The following KIF21A variants were observed in gnomAD, a reference collection of about 807,000 sequenced individuals.
KIF21A encodes kinesin-like protein KIF21A.
A neutral mutation model predicts 202.9 loss-of-function variants in KIF21A; 114 were observed. That is an observed-to-expected ratio of 0.56 (90% confidence interval 0.48 to 0.66). The LOEUF is 0.66. Among genes scored for constraint, KIF21A ranks in the 30% least tolerant of loss-of-function variants. The pLI, the probability that KIF21A is intolerant of heterozygous loss-of-function variation, is 0.00. For missense variants in KIF21A, 1,677 were observed against 1,994.9 expected (o/e 0.84, Z 3.04); for synonymous variants, 667 against 670.8 (o/e 0.99, Z 0.09).
At chr12:39,301,358 C>T (rs1017041589) in intron 37 of KIF21A, 122 bp downstream of exon 37, 1 of 878,498 alleles carries the variant, frequency 1.1e-6, no homozygotes, top group South Asian at 1.5e-5. Flanking sequence ...CATCTTAAAA[C>T]AGACATTAGA....
intron 28 of KIF21A, 116 bp from the exon 29 acceptor site, chr12:39,318,317 C>A: frequency 1.1e-6 from 1 of 930,484 alleles, no homozygotes; most frequent in East Asian, 2.8e-5. Context: ...CTCCTTCTTT[C>A]CTTTCTTCCT....
intron 1 of KIF21A, among the ~76,000 whole-genome samples, chr12:39,429,360 G>C (rs963423596): frequency 5.3e-5 from 8 of 152,114 alleles, no homozygotes; most frequent in African/African-American, 1.9e-4. Flanking sequence ...GATAATTCAA[G>C]ATATCCATTC....
intron 26 of KIF21A, among the ~76,000 whole-genome samples, chr12:39,323,978 C>T (rs763226404): frequency 3.3e-5 from 5 of 151,972 alleles, no homozygotes; most frequent in South Asian, 2.1e-4. Context: ...GGCATGGTGG[C>T]GGGCGCCTGT....
At chr12:39,352,608 C>T (rs1176009455) in intron 10 of KIF21A, among the ~76,000 whole-genome samples, 1 of 152,060 alleles carries the variant, frequency 6.6e-6, no homozygotes, top group African/African-American at 2.4e-5. Context: ...CAGCATGCTC[C>T]CCTTAGTTTC....
At chr12:39,425,784 A>G (rs1409928924) in intron 1 of KIF21A, among the ~76,000 whole-genome samples, 3 of 152,080 alleles carry the variant, frequency 2.0e-5, no homozygotes, top group Non-Finnish European at 4.4e-5. Flanking sequence ...GAATCCACCC[A>G]AGGTTAAAAA....
chr12:39,308,171 C>T (rs1349154813), intron 33 of KIF21A, among the ~76,000 whole-genome samples: 2 of 151,742 alleles, frequency 1.3e-5, no homozygotes, highest in Admixed American at 6.6e-5. Flanking sequence ...AGTTTGAGTC[C>T]AGCCTGGCCA....
At position 39,322,725 on chromosome 12, in the gene KIF21A, G is replaced by A; in HGVS notation, c.3614C>T (p.Ser1205Phe). Residue 1205 changes from serine (S) to phenylalanine (F), a missense_variant, in exon 27 of 38, where the codon TCT (serine) becomes TTT (phenylalanine). By Grantham distance (155) the Ser-to-Phe change is radical (BLOSUM62 -2). Transcript: ENST00000361418. The part of the protein sequence containing the change: ...IGMNTETSGT[S>F]AREKELSPPP... Reference sequence around the variant, plus strand: ...GGGAGAGAGCTCTTTTTCCCTAGCAGAAGTACCACTTGTCTCTGTATTCAT... The same window carrying A: ...GGGAGAGAGCTCTTTTTCCCTAGCAAAAGTACCACTTGTCTCTGTATTCAT... The A allele has an allele frequency of 3.1e-6, 5 of 1,614,074 alleles. No homozygotes were observed. The highest frequency in any genetic ancestry group is 1.7e-4 in the Middle Eastern group (1 of 6,058).
At position 39,331,828 on chromosome 12, in the gene KIF21A, T is replaced by C. The variant is rs1244210606; in HGVS notation, c.3052-37A>G. On this transcript the variant is annotated intron_variant, in intron 21 of 37. Coordinates refer to ENST00000361418, the MANE Select transcript of KIF21A (RefSeq NM_001173464.2). ...CAGCATAATATGATGACCATTACTT[T>C]GAGCTGAAAACAGAAGGCAACAGCC... is the stretch of plus-strand genomic sequence containing the variant. 4.1e-6 allele frequency: 6 copies of C among 1,477,014 alleles called. No individual in the cohort carries two copies. In the Admixed American group the frequency reaches 1.0e-4, roughly 25 times the overall value. 91.5% of individuals were successfully genotyped at this position (1,477,014 alleles called of 1,614,324 possible). A position where few individuals can be genotyped will look rare whatever the true frequency, so the allele number is the denominator to read the frequency against.
chr12:39,406,194 T>G (rs1033084541), intron 1 of KIF21A, among the ~76,000 whole-genome samples: 4 of 152,122 alleles, frequency 2.6e-5, no homozygotes, highest in Non-Finnish European at 4.4e-5. Flanking sequence ...AAATAATACT[T>G]TCAAGTTTTA....
At chr12:39,323,188 C>CA (rs967006049) in intron 26 of KIF21A, among the ~76,000 whole-genome samples, 41 of 152,000 alleles carry the variant, frequency 2.7e-4, no homozygotes, top group African/African-American at 8.2e-4. Context: ...GAAACTGAGG[C>CA]AAAAAAGCTA....
At chr12:39,331,161 A>G (rs1329999234) in intron 22 of KIF21A, among the ~76,000 whole-genome samples, 1 of 152,130 alleles carries the variant, frequency 6.6e-6, no homozygotes, top group Non-Finnish European at 1.5e-5. Flanking sequence ...GCACATTGTG[A>G]AAATTAAGTG....
intron 34 of KIF21A, among the ~76,000 whole-genome samples, chr12:39,306,751 T>C (rs1343478673): frequency 6.6e-6 from 1 of 152,084 alleles, no homozygotes; most frequent in Non-Finnish European, 1.5e-5. Context: ...TTGGGCACAG[T>C]GGCTCCTGCC....
chr12:39,335,501 G>A (rs567463778), intron 17 of KIF21A, among the ~76,000 whole-genome samples: 25 of 151,706 alleles, frequency 1.6e-4, no homozygotes, highest in Non-Finnish European at 2.5e-4. Context: ...ACAAAATGTA[G>A]ATTAGTGGCT....
At chr12:39,357,522 A>T in intron 8 of KIF21A, 85 bp from the exon 9 acceptor site, 2 of 1,174,216 alleles carry the variant, frequency 1.7e-6, no homozygotes, top group Non-Finnish European at 2.5e-6. Flanking sequence ...TAACTATACA[A>T]TTCTCTAACC....
intron 17 of KIF21A, among the ~76,000 whole-genome samples, chr12:39,334,090 A>G (rs1288371685): frequency 6.6e-6 from 1 of 151,224 alleles, no homozygotes; most frequent in Non-Finnish European, 1.5e-5. Context: ...AATCTCAGCT[A>G]CTCGGGAGGC....
At chr12:39,430,818 T>C (rs970630147) in intron 1 of KIF21A, among the ~76,000 whole-genome samples, 3 of 151,868 alleles carry the variant, frequency 2.0e-5, no homozygotes, top group Non-Finnish European at 4.4e-5. Context: ...TTAGATAAGG[T>C]CATAGAGGAA....
intron 12 of KIF21A, among the ~76,000 whole-genome samples, chr12:39,343,376 A>C (rs1249831789): frequency 6.6e-6 from 1 of 152,058 alleles, no homozygotes; most frequent in African/African-American, 2.4e-5. Context: ...AAATTAATTA[A>C]TTAATTACAA....
chr12:39,304,124 C>T (rs1230476616), intron 35 of KIF21A, among the ~76,000 whole-genome samples: 2 of 152,182 alleles, frequency 1.3e-5, no homozygotes, highest in East Asian at 1.9e-4. Context: ...GTATAGAATC[C>T]TCTTTTCTTA....
intron 37 of KIF21A, among the ~76,000 whole-genome samples, chr12:39,296,526 G>GA (rs907792428): frequency 6.6e-6 from 1 of 151,922 alleles, no homozygotes; most frequent in Non-Finnish European, 1.5e-5. Flanking sequence ...CACAGGGGTG[G>GA]AAAAAAAAGG....
Sources: allele counts gnomAD v4.1 joint callset (sites outside exome capture counted in the v4.1 genomes callset), GRCh38; gene constraint gnomAD v4.1.1; transcripts MANE v1.5; gene names NCBI Gene and HGNC (gene_info 2026-07-23, HGNC 2026-07-21).